CNTNAP2: variants seen among roughly 807,000 people sequenced by gnomAD.
The protein encoded by CNTNAP2 is contactin-associated protein-like 2.
Under a neutral mutation model 155.2 loss-of-function variants are expected in CNTNAP2, and 98 were observed. The ratio of observed to expected loss-of-function variants is 0.63; its 90% CI spans 0.54 to 0.75. CNTNAP2 has a LOEUF of 0.75. Ranked by LOEUF, CNTNAP2 falls within the 30% of genes least tolerant of loss-of-function variation. The pLI, the probability that CNTNAP2 is intolerant of heterozygous loss-of-function variation, is 0.00. For synonymous variants in CNTNAP2, 651 were observed against 631.2 expected (o/e 1.03, Z -0.47); for missense variants, 1,727 against 1,688.1 (o/e 1.02, Z -0.40).
In CNTNAP2 at chr7:146,235,952, A is replaced by ATGTGTG. The variant is rs34046295; in HGVS notation, c.97+119002_97+119007dup. 6.2e-3 allele frequency among the ~76,000 whole-genome samples: 931 copies of ATGTGTG among 149,502 alleles called. 12 individuals are homozygous for ATGTGTG. The highest frequency in any genetic ancestry group is 0.019 in the African/African-American group (784 of 40,536). On this transcript the variant is annotated intron_variant, in intron 1 of 23. Transcript: ENST00000361727. Reference sequence around the variant, plus strand: ...TCTCTGATCCATAGTACATATGGAAATGTGTGTGTGTGTGTGTGTGTGTGT... The same window carrying ATGTGTG: ...TCTCTGATCCATAGTACATATGGAAATGTGTGTGTGTGTGTGTGTGTGTGTGTGTGT...
chr7:148,175,655 G>C (rs912976764), intron 18 of CNTNAP2, among the ~76,000 whole-genome samples: 4 of 152,110 alleles, frequency 2.6e-5, no homozygotes, highest in Admixed American at 2.6e-4. Flanking sequence ...ATCACACTCA[G>C]CTATGTGAGA....
chr7:146,131,690 A>G (rs1254677011), intron 1 of CNTNAP2, among the ~76,000 whole-genome samples: 1 of 152,192 alleles, frequency 6.6e-6, no homozygotes, highest in African/African-American at 2.4e-5. Flanking sequence ...CTTAGGCTTC[A>G]TCTAATTTGA....
chr7:147,892,085 G>A (rs529501788), intron 13 of CNTNAP2, among the ~76,000 whole-genome samples: 1 of 151,676 alleles, frequency 6.6e-6, no homozygotes, highest in Non-Finnish European at 1.5e-5. Flanking sequence ...ATTTAGTATT[G>A]ATTCATGCAA....
At chr7:146,387,309 C>T (rs1337922035) in intron 1 of CNTNAP2, among the ~76,000 whole-genome samples, 1 of 152,152 alleles carries the variant, frequency 6.6e-6, no homozygotes, top group Non-Finnish European at 1.5e-5. Flanking sequence ...CCAGAGAGAA[C>T]AAGAGCAGAC....
In CNTNAP2 at chr7:147,179,578, T is replaced by C. The variant is rs563606070; in HGVS notation, c.1348+47069T>C. On this transcript the variant is annotated intron_variant, in intron 8 of 23. Coordinates refer to ENST00000361727, the MANE Select transcript of CNTNAP2 (RefSeq NM_014141.6). ...ACTTAGAGTGAAACCAGTTGACCCATTTTGTTATCTTTTACAGATAAAATT... is the reference window on the plus strand; with the variant it reads ...ACTTAGAGTGAAACCAGTTGACCCACTTTGTTATCTTTTACAGATAAAATT... 7.5e-4 allele frequency among the ~76,000 whole-genome samples: 115 copies of C among 152,336 alleles called. 3 individuals carry two copies. In the South Asian group the frequency reaches 0.023, roughly 31 times the overall value.
chr7:146,852,062 C>G (rs543271844), intron 3 of CNTNAP2, among the ~76,000 whole-genome samples: 3 of 152,018 alleles, frequency 2.0e-5, no homozygotes, highest in Non-Finnish European at 4.4e-5. Context: ...GGTATGACCT[C>G]ATATTAACTA....
intron 1 of CNTNAP2, among the ~76,000 whole-genome samples, chr7:146,758,137 A>G (rs1475433572): frequency 6.6e-6 from 1 of 152,164 alleles, no homozygotes; most frequent in Admixed American, 6.5e-5. Context: ...TTAGCTTTCA[A>G]GGATCAGCAC....
At chr7:147,918,483 T>C (rs952483230) in intron 14 of CNTNAP2, among the ~76,000 whole-genome samples, 5 of 152,194 alleles carry the variant, frequency 3.3e-5, no homozygotes, top group Admixed American at 2.0e-4. Flanking sequence ...AGATAATGGG[T>C]GTGTACTAAT....
At chr7:147,090,115 C>A (rs533928882) in intron 4 of CNTNAP2, among the ~76,000 whole-genome samples, 1 of 152,140 alleles carries the variant, frequency 6.6e-6, no homozygotes, top group South Asian at 2.1e-4. Flanking sequence ...CCAAGCAAGA[C>A]GCCCAATTTG....
chr7:148,030,057 A>G (rs941905764), intron 15 of CNTNAP2, among the ~76,000 whole-genome samples: 3 of 152,230 alleles, frequency 2.0e-5, no homozygotes, highest in African/African-American at 7.2e-5. Flanking sequence ...TTTCCAACCC[A>G]TTTGAGTATG....
At chr7:146,445,828 A>G (rs1004833858) in intron 1 of CNTNAP2, among the ~76,000 whole-genome samples, 2 of 152,174 alleles carry the variant, frequency 1.3e-5, no homozygotes, top group African/African-American at 4.8e-5. Flanking sequence ...AGGAATTCTT[A>G]TAAATGCTAG....
At chr7:147,026,204 A>G (rs1049158912) in intron 3 of CNTNAP2, among the ~76,000 whole-genome samples, 3 of 152,230 alleles carry the variant, frequency 2.0e-5, no homozygotes, top group Admixed American at 6.5e-5. Flanking sequence ...TTGAAAGTTC[A>G]TAGTGTATAT....
intron 8 of CNTNAP2, among the ~76,000 whole-genome samples, chr7:147,141,664 G>T (rs1432852101): frequency 1.3e-5 from 2 of 151,958 alleles, no homozygotes; most frequent in Non-Finnish European, 2.9e-5. Context: ...ACTAACCTTG[G>T]CCACTACCTC....
intron 21 of CNTNAP2, among the ~76,000 whole-genome samples, chr7:148,370,556 G>A (rs1353333313): frequency 2.0e-5 from 3 of 152,172 alleles, no homozygotes; most frequent in Admixed American, 2.0e-4. Flanking sequence ...GGTGAAGTGA[G>A]GCAGCCTTCC....
intron 8 of CNTNAP2, chr7:147,167,593 GC>G: frequency 1.3e-6 from 1 of 754,446 alleles, no homozygotes. Flanking sequence ...TGAAGCTGGA[GC>G]CCAGCATCAG....
intron 9 of CNTNAP2, among the ~76,000 whole-genome samples, chr7:147,346,086 T>C (rs1021165870): frequency 2.0e-5 from 3 of 152,138 alleles, no homozygotes; most frequent in African/African-American, 7.2e-5. Flanking sequence ...ACATTGTAAA[T>C]AGTGTTCCAG....
chr7:148,101,350 A>AGAGTGTGTGTGT (rs1247428489), intron 15 of CNTNAP2, among the ~76,000 whole-genome samples: 16 of 144,454 alleles, frequency 1.1e-4, no homozygotes, highest in African/African-American at 3.9e-4. Context: ...TAAAAAGTTC[A>AGAGTGTGTGTGT]GTGTGTGTGT....
At chr7:146,572,718 TATC>T (rs529356517) in intron 1 of CNTNAP2, among the ~76,000 whole-genome samples, 20 of 152,260 alleles carry the variant, frequency 1.3e-4, no homozygotes, top group African/African-American at 4.8e-4. Flanking sequence ...TGAAAAGCAA[TATC>T]ATAAAAAAGT....
chr7:148,121,778 AAC>A (rs1804600669), intron 16 of CNTNAP2, among the ~76,000 whole-genome samples: 1 of 152,230 alleles, frequency 6.6e-6, no homozygotes, highest in Admixed American at 6.5e-5. Flanking sequence ...CAAGTAGAAA[AAC>A]ACAGAGATAA....
Sources: allele counts gnomAD v4.1 joint callset (sites outside exome capture counted in the v4.1 genomes callset), GRCh38; gene constraint gnomAD v4.1.1; transcripts MANE v1.5; gene names NCBI Gene and HGNC (gene_info 2026-07-23, HGNC 2026-07-21).